CYFIP1: variants seen among roughly 807,000 people sequenced by gnomAD.
The protein encoded by CYFIP1 is cytoplasmic FMR1-interacting protein 1.
Under a neutral mutation model 163.5 loss-of-function variants are expected in CYFIP1, and 58 were observed. That is an observed-to-expected ratio of 0.35 (90% CI 0.29 to 0.44). The LOEUF is 0.44. Among genes scored for constraint, CYFIP1 ranks in the 20% least tolerant of loss-of-function variants. The pLI is 1.00. For missense variants in CYFIP1, 1,338 were observed against 1,653.8 expected, an observed-to-expected ratio of 0.81 and a Z score of 3.31; for synonymous variants, 663 against 660.7, an observed-to-expected ratio of 1.00 and a Z score of -0.05.
At chr15:22,940,551 G>A (rs879700224) in intron 6 of CYFIP1, among the ~76,000 whole-genome samples, 11 of 152,338 alleles carry the variant, frequency 7.2e-5, no homozygotes, top group South Asian at 4.1e-4. Context: ...CACCTGAAGC[G>A]GAGCCGCAGG....
chr15:22,973,748 G>A (rs1595740125), intron 1 of CYFIP1, among the ~76,000 whole-genome samples: 2 of 152,122 alleles, frequency 1.3e-5, no homozygotes, highest in East Asian at 1.9e-4. Context: ...GCACAGCAAA[G>A]GAATCAATCA....
At chr15:22,873,409 G>T in intron 29 of CYFIP1, 82 bp downstream of exon 29, 1 of 1,177,772 alleles carries the variant, frequency 8.5e-7, no homozygotes, top group Non-Finnish European at 1.2e-6. Flanking sequence ...ATGGCTGGCT[G>T]CTTGTTAGCC....
chr15:22,927,067 TGGCTCAC>T (rs1436302345), intron 12 of CYFIP1, among the ~76,000 whole-genome samples: 1 of 152,166 alleles, frequency 6.6e-6, no homozygotes, highest in Admixed American at 6.5e-5. Flanking sequence ...CCAGGTACAG[TGGCTCAC>T]GCCTGTAATC....
At chr15:22,975,721 T>C (rs2063248118) in intron 1 of CYFIP1, among the ~76,000 whole-genome samples, 2 of 152,210 alleles carry the variant, frequency 1.3e-5, no homozygotes, top group Admixed American at 1.3e-4. Context: ...ATCGTGCCAT[T>C]GCACTCTATC....
chr15:22,913,763 G>A (rs921001082), intron 17 of CYFIP1, among the ~76,000 whole-genome samples: 5 of 152,122 alleles, frequency 3.3e-5, no homozygotes, highest in Non-Finnish European at 5.9e-5. Context: ...CATGCCTGAA[G>A]GAGGCCTCCA....
At chr15:22,913,982 TGGGC>T (rs1160819360) in intron 17 of CYFIP1, among the ~76,000 whole-genome samples, 6 of 152,198 alleles carry the variant, frequency 3.9e-5, no homozygotes, top group Admixed American at 6.5e-5. Flanking sequence ...ACAGACCGGC[TGGGC>T]GGCTCCCCAG....
intron 6 of CYFIP1, among the ~76,000 whole-genome samples, chr15:22,942,635 C>T (rs2061927567): frequency 6.6e-6 from 1 of 152,176 alleles, no homozygotes; most frequent in South Asian, 2.1e-4. Flanking sequence ...TCTCTACATC[C>T]AGAAAGAAAA....
intron 1 of CYFIP1, among the ~76,000 whole-genome samples, chr15:22,956,616 G>C (rs1311960500): frequency 6.6e-6 from 1 of 152,136 alleles, no homozygotes; most frequent in Non-Finnish European, 1.5e-5. Context: ...AGGGGCTCTG[G>C]AGACGGGGCA....
At chr15:22,936,579 C>T (rs906225537) in intron 9 of CYFIP1, among the ~76,000 whole-genome samples, 9 of 152,148 alleles carry the variant, frequency 5.9e-5, no homozygotes, top group African/African-American at 1.2e-4. Flanking sequence ...TGTGCTGGAG[C>T]GTCATCAGGC....
intron 23 of CYFIP1, among the ~76,000 whole-genome samples, chr15:22,891,995 G>A (rs1203636928): frequency 1.3e-5 from 2 of 152,202 alleles, no homozygotes; most frequent in Non-Finnish European, 2.9e-5. Flanking sequence ...TCCTACAAGC[G>A]AGGACACTTA....
chr15:22,917,815 G>T lies in CYFIP1; in HGVS notation c.1647C>A (p.Arg549=), dbSNP rs1425444606. The change falls in exon 15 of 31, where the codon CGC becomes CGA. Residue 549 remains arginine (R), a synonymous_variant. Transcript: ENST00000617928. This position sits in a 1 kb window ranked among gnomAD's most constrained non-coding sequence, Gnocchi z 4.2. The stretch of plus-strand genomic sequence containing the variant: ...GAGTGCTGGAGGGTCCCACGGCGCG[G>T]CGTGGTACTTTTATGTCGAAGCCGC... The part of the protein sequence containing the change: ...PKSGFDIKVP[R]RAVGPSSTQL... The T allele has an allele frequency of 3.2e-5, 51 of 1,612,928 alleles. No homozygotes were observed. The highest frequency in any genetic ancestry group is 4.1e-5 in the Non-Finnish European group (48 of 1,179,626).
At chr15:22,939,570 A>G in intron 6 of CYFIP1, 63 bp from the exon 7 acceptor site, 1 of 1,080,968 alleles carries the variant, frequency 9.3e-7, no homozygotes, top group Non-Finnish European at 1.3e-6. Flanking sequence ...AAAAAAAAAA[A>G]AAAAAAAAAA....
In CYFIP1 at chr15:22,892,838, A is replaced by G; in HGVS notation, c.2676+52T>C. On this transcript the variant is annotated intron_variant, in intron 23 of 30. Transcript: ENST00000617928. Reference sequence around the variant, plus strand: ...CAAACCAATTAAACTACACTTCAAAACATGCTTCATTATGAGCTTCAAGCT... The same window carrying G: ...CAAACCAATTAAACTACACTTCAAAGCATGCTTCATTATGAGCTTCAAGCT... The G allele has an allele frequency of 2.2e-6, 3 of 1,365,514 alleles. No individual in the cohort carries two copies. In the South Asian group the frequency reaches 3.5e-5, roughly 16 times the overall value. 84.6% of individuals were successfully genotyped at this position (1,365,514 alleles called of 1,614,324 possible). A position where few individuals can be genotyped will look rare whatever the true frequency, so the allele number is the denominator to read the frequency against.
At chr15:22,954,108 C>G (rs6606805) in intron 1 of CYFIP1, among the ~76,000 whole-genome samples, 102,688 of 152,082 alleles carry the variant, frequency 0.68, 34,839 homozygotes, top group Middle Eastern at 0.77. Context: ...GTCTCTGCTC[C>G]TTCAGCTCGT....
chr15:22,941,315 G>A (rs893597800), intron 6 of CYFIP1, among the ~76,000 whole-genome samples: 4 of 152,096 alleles, frequency 2.6e-5, no homozygotes, highest in African/African-American at 9.7e-5. Flanking sequence ...TTCTGCCTCA[G>A]CCTCTCAAGG....
At chr15:22,953,055 GGGCCC>G (rs1203445366) in intron 1 of CYFIP1, among the ~76,000 whole-genome samples, 4 of 152,254 alleles carry the variant, frequency 2.6e-5, no homozygotes, top group Non-Finnish European at 5.9e-5. Context: ...CACACGGCCT[GGGCCC>G]GGCCCGCTTC....
Position 22,892,883 on chromosome 15 carries a change from A to G in CYFIP1, c.2676+7T>C. On this transcript the variant is annotated splice_region_variant and intron_variant, in intron 23 of 30. Coordinates refer to ENST00000617928, the MANE Select transcript of CYFIP1 (RefSeq NM_014608.6). ...CAAGCTCGTAACACGAACACATTGG[A>G]GCCTACCTTGGATCCATGCAGATAC... 1 of 1,604,490 alleles carries G rather than the reference A, an allele frequency of 6.2e-7. No homozygotes were observed. Among genetic ancestry groups the G allele is most frequent in the South Asian group, 1.1e-5 (1 of 90,648 alleles).
At chr15:22,974,266 A>T (rs2140273749) in intron 1 of CYFIP1, among the ~76,000 whole-genome samples, 1 of 152,280 alleles carries the variant, frequency 6.6e-6, no homozygotes, top group South Asian at 2.1e-4. Context: ...CAAGACATGG[A>T]ATCAACCTAA....
chr15:22,933,109 C>G (rs537213562), intron 10 of CYFIP1, among the ~76,000 whole-genome samples: 1 of 152,064 alleles, frequency 6.6e-6, no homozygotes, highest in Non-Finnish European at 1.5e-5. Flanking sequence ...GCTGGGATTA[C>G]AGGCATGAGC....
Sources: allele counts gnomAD v4.1 joint callset (sites outside exome capture counted in the v4.1 genomes callset), GRCh38; gene constraint gnomAD v4.1.1; non-coding constraint Gnocchi (gnomAD v3.1); transcripts MANE v1.5; gene names NCBI Gene and HGNC (gene_info 2026-07-23, HGNC 2026-07-21).